Variants in UGT2B4 observed in about 807,000 individuals in gnomAD.
The protein encoded by UGT2B4 is UDP-glucuronosyltransferase 2B4.
In UGT2B4, 49 loss-of-function variants were observed where a neutral mutation model predicts 49.8. The ratio of observed to expected loss-of-function variants is 0.98; its 90% CI spans 0.78 to 1.25. The LOEUF is 1.25. UGT2B4 is among the 50% of genes most tolerant of loss of function. The probability of loss-of-function intolerance (pLI) is 0.00; values close to 1 mark genes in which losing one functional copy is unlikely to be tolerated. For synonymous variants in UGT2B4, 246 were observed against 217.7 expected (o/e 1.13, Z -1.14); for missense variants, 729 against 627.7 (o/e 1.16, Z -1.73).
chr4:69,506,461 G>A (rs1286757512), intron 1 of UGT2B4, among the ~76,000 whole-genome samples: 2 of 151,920 alleles, frequency 1.3e-5, no homozygotes, highest in Non-Finnish European at 2.9e-5. Flanking sequence ...CTATGCACAA[G>A]AACTACAAAA....
chr4:69,507,830 A>G (rs909618848), intron 1 of UGT2B4, among the ~76,000 whole-genome samples: 1 of 152,214 alleles, frequency 6.6e-6, no homozygotes, highest in Non-Finnish European at 1.5e-5. Flanking sequence ...TCCAAAAGCA[A>G]TTACAATAAA....
chr4:69,484,762 C>T (rs999256149), intron 5 of UGT2B4, among the ~76,000 whole-genome samples: 9 of 151,828 alleles, frequency 5.9e-5, no homozygotes, highest in African/African-American at 7.2e-5. Context: ...TTAAATAGGT[C>T]GGTTTTATGC....
rs1727916958 is a variant in UGT2B4, at chr4:69,489,535, A to G, written c.906T>C (p.Asn302=). The G allele has an allele frequency of 6.2e-7, 1 of 1,611,324 alleles. No individual in the cohort carries two copies. The highest frequency in any genetic ancestry group is 1.3e-5 in the African/African-American group (1 of 74,790). The change falls in exon 3 of 6, where the codon AAT becomes AAC. Residue 302 remains asparagine (N), a synonymous_variant. Coordinates refer to ENST00000305107, the MANE Select transcript of UGT2B4 (RefSeq NM_021139.3). The stretch of plus-strand genomic sequence containing the variant: ...ACCCCAGAGAAAACACCACAACACC[A>G]TTTTCTCCAGAGCTCTGGACAAACT... ...MEEFVQSSGE[N]GVVVFSLGSM... is the part of the protein sequence containing the mutation.
chr4:69,508,893 G>C (rs531667217), intron 1 of UGT2B4, among the ~76,000 whole-genome samples: 8 of 152,184 alleles, frequency 5.3e-5, no homozygotes, highest in African/African-American at 1.2e-4. Flanking sequence ...ATACTGTTAA[G>C]TATAGCCACA....
At chr4:69,523,501 A>G (rs988198086) in intron 1 of UGT2B4, among the ~76,000 whole-genome samples, 2 of 151,936 alleles carry the variant, frequency 1.3e-5, no homozygotes, top group African/African-American at 4.8e-5. Flanking sequence ...TCTGAGCAAT[A>G]GATCTCAATA....
chr4:69,497,935 A>G (rs912933509), upstream of UGT2B4, among the ~76,000 whole-genome samples: 2 of 152,230 alleles, frequency 1.3e-5, no homozygotes, highest in African/African-American at 4.8e-5. Context: ...AAAGTGCCAC[A>G]GTCACGCCAA....
chr4:69,524,365 T>G (rs1728920813), intron 1 of UGT2B4, among the ~76,000 whole-genome samples: 1 of 140,854 alleles, frequency 7.1e-6, no homozygotes, highest in African/African-American at 2.6e-5. Flanking sequence ...TTAACTGGTT[T>G]AATTTTAACG....
intron 1 of UGT2B4, among the ~76,000 whole-genome samples, chr4:69,507,081 A>G (rs1728491667): frequency 6.6e-6 from 1 of 152,204 alleles, no homozygotes; most frequent in South Asian, 2.1e-4. Context: ...ACCTCAAAAT[A>G]AAAAGAGACA....
chr4:69,513,571 T>C (rs558984520), intron 1 of UGT2B4, among the ~76,000 whole-genome samples: 28 of 152,306 alleles, frequency 1.8e-4, no homozygotes, highest in Non-Finnish European at 3.4e-4. Context: ...TCTTTTTTCT[T>C]TTCATATAAA....
rs1845555 is a variant in UGT2B4, at chr4:69,489,493, C to A, written c.948G>T (p.Thr316=). The part of the protein sequence containing the change: ...VFSLGSMVSN[T]SEERANVIAS... ...CAATTACATTGGCCCTTTCTTCTGA[C>A]GTGTTACTGACCATCGACCCCAGAG... The change falls in exon 3 of 6, where the codon ACG becomes ACT. Residue 316 remains threonine (T), a synonymous_variant. Transcript: ENST00000305107. 1.2e-6 allele frequency: 2 copies of A among 1,611,724 alleles called. No homozygotes were observed. The highest frequency in any genetic ancestry group is 2.2e-5 in the South Asian group (2 of 91,050).
upstream of UGT2B4, among the ~76,000 whole-genome samples, chr4:69,500,084 T>C (rs894429772): frequency 1.3e-5 from 2 of 152,316 alleles, no homozygotes; most frequent in South Asian, 2.1e-4. Context: ...AATGAGATCA[T>C]GTCCATTGCA....
intron 1 of UGT2B4, among the ~76,000 whole-genome samples, chr4:69,502,133 CTT>C (rs1412972440): frequency 8.1e-6 from 1 of 124,220 alleles, no homozygotes; most frequent in African/African-American, 3.2e-5. Context: ...TTCTTTCTTT[CTT>C]TCTTTCTTTC....
chr4:69,512,250 G>GT (rs1728622842), intron 1 of UGT2B4, among the ~76,000 whole-genome samples: 1 of 151,316 alleles, frequency 6.6e-6, no homozygotes, highest in Non-Finnish European at 1.5e-5. Context: ...TGGATATCTT[G>GT]TTTTTTTCTT....
At chr4:69,494,300 GTTGA>G (rs1728080479) in intron 1 of UGT2B4, among the ~76,000 whole-genome samples, 1 of 152,064 alleles carries the variant, frequency 6.6e-6, no homozygotes, top group African/African-American at 2.4e-5. Context: ...CAGGTTAACT[GTTGA>G]TTATTTTGAA....
At chr4:69,523,816 T>C (rs1728900790) in intron 1 of UGT2B4, among the ~76,000 whole-genome samples, 1 of 152,146 alleles carries the variant, frequency 6.6e-6, no homozygotes, top group South Asian at 2.1e-4. Context: ...AATCTGTGGT[T>C]TGGTGTGTTA....
chr4:69,509,177 T>TTTTTC (rs1728547982), intron 1 of UGT2B4, among the ~76,000 whole-genome samples: 1 of 147,828 alleles, frequency 6.8e-6, no homozygotes, highest in African/African-American at 2.5e-5. Flanking sequence ...TCTATTTTTT[T>TTTTTC]TTTTTTTTTT....
chr4:69,520,911 T>A (rs1306065536), intron 1 of UGT2B4, among the ~76,000 whole-genome samples: 1 of 152,174 alleles, frequency 6.6e-6, no homozygotes, highest in Non-Finnish European at 1.5e-5. Context: ...GGGGCTGATA[T>A]GTCAGTTGAA....
At chr4:69,494,863 C>G (rs1267217541) in intron 1 of UGT2B4, among the ~76,000 whole-genome samples, 1 of 151,930 alleles carries the variant, frequency 6.6e-6, no homozygotes, top group East Asian at 1.9e-4. Context: ...TATAATAAAA[C>G]AGATATGTGA....
At chr4:69,500,651 AAGAAAGAAAG>A (rs1433246957), upstream of UGT2B4, among the ~76,000 whole-genome samples, 2 of 135,770 alleles carry the variant, frequency 1.5e-5, no homozygotes, top group Admixed American at 7.7e-5. Flanking sequence ...GAAAGAAAGA[AAGAAAGAAAG>A]AAAGAAAGGA....
Sources: gnomAD v4.1 joint callset for allele counts (sites outside exome capture counted in the v4.1 genomes callset) on GRCh38, gnomAD v4.1.1 for gene constraint, MANE v1.5 for transcripts, NCBI Gene and HGNC (gene_info 2026-07-23, HGNC 2026-07-21) for gene names.